PLPPR5: variants seen among roughly 807,000 people sequenced by gnomAD.
PLPPR5 encodes phospholipid phosphatase related 5.
Under a neutral mutation model 33.9 loss-of-function variants are expected in PLPPR5, and 16 were observed. The observed-to-expected ratio is 0.47, with a 90% CI of 0.32 to 0.72. The LOEUF (loss-of-function observed/expected upper bound fraction) is 0.72. Ranked by LOEUF, PLPPR5 falls within the 30% of genes least tolerant of loss-of-function variation. The probability of loss-of-function intolerance (pLI) is 0.03; values close to 1 mark genes in which losing one functional copy is unlikely to be tolerated. For missense variants in PLPPR5, 301 were observed against 406.7 expected (o/e 0.74, Z 2.23); for synonymous variants, 163 against 150.3 (o/e 1.08, Z -0.62).
At chr1:98,967,605 C>CTTAA (rs139158380) in intron 1 of PLPPR5, among the ~76,000 whole-genome samples, 9 of 151,950 alleles carry the variant, frequency 5.9e-5, no homozygotes, top group South Asian at 2.1e-4. Context: ...GCTGAATGAT[C>CTTAA]TTAATTAATT....
At chr1:98,976,870 C>T (rs1044013990) in intron 1 of PLPPR5, among the ~76,000 whole-genome samples, 3 of 151,832 alleles carry the variant, frequency 2.0e-5, no homozygotes, top group African/African-American at 7.3e-5. Flanking sequence ...CATTGTATTT[C>T]TATTGAGTAT....
At chr1:98,950,804 C>T (rs115695066) in intron 3 of PLPPR5, among the ~76,000 whole-genome samples, 1,949 of 152,262 alleles carry the variant, frequency 0.013, 23 homozygotes, top group African/African-American at 0.018. Context: ...CCGTCTTGGC[C>T]TCTCATGTAG....
Position 98,914,854 on chromosome 1 carries a change from G to C in PLPPR5, c.865C>G (p.Leu289Val). ...AENEHIHMDN[L>V]AQMPMISIPR... is the part of the protein sequence containing the mutation. ...ATGCTGATCATTGGCATCTGTGCCA[G>C]ATTATCCATGTGTATATGCTCATTT... The change falls in exon 5 of 6, where the codon CTG (leucine) becomes GTG (valine). Residue 289 changes from leucine (L) to valine (V), a missense_variant. Coordinates refer to ENST00000263177, the MANE Select transcript of PLPPR5 (RefSeq NM_001037317.2). 5 of 1,613,082 alleles carry C rather than the reference G, an allele frequency of 3.1e-6. No individual in the cohort carries two copies. Among genetic ancestry groups the C allele is most frequent in the Non-Finnish European group, 4.2e-6 (5 of 1,179,582 alleles).
intron 2 of PLPPR5, 32 bp downstream of exon 2, chr1:98,956,577 G>T: frequency 6.5e-7 from 1 of 1,536,100 alleles, no homozygotes; most frequent in Non-Finnish European, 8.7e-7. Context: ...CACTGTTTCA[G>T]AAATATTAAA....
At chr1:98,921,314 T>C (rs1224185661) in intron 4 of PLPPR5, among the ~76,000 whole-genome samples, 2 of 152,164 alleles carry the variant, frequency 1.3e-5, no homozygotes, top group Admixed American at 6.5e-5. Flanking sequence ...AAACTATTCA[T>C]GAGTTTTTAG....
chr1:98,916,761 T>C (rs1443385117), intron 4 of PLPPR5, among the ~76,000 whole-genome samples: 1 of 152,242 alleles, frequency 6.6e-6, no homozygotes, highest in African/African-American at 2.4e-5. Flanking sequence ...TTACTCTTAG[T>C]ATTTTAATTA....
intron 3 of PLPPR5, among the ~76,000 whole-genome samples, chr1:98,926,731 T>C (rs1444565780): frequency 1.3e-5 from 2 of 152,224 alleles, no homozygotes; most frequent in African/African-American, 2.4e-5. Context: ...TCCCAGATTC[T>C]AGTTAGCTAC....
intron 1 of PLPPR5, among the ~76,000 whole-genome samples, chr1:98,966,394 T>C (rs1651453522): frequency 6.6e-6 from 1 of 152,206 alleles, no homozygotes; most frequent in African/African-American, 2.4e-5. Flanking sequence ...ACACTGTTCA[T>C]GTAAATAGGG....
chr1:98,921,873 T>G lies in PLPPR5; in HGVS notation c.798+9A>C. On this transcript the variant is annotated intron_variant, in intron 4 of 5. Coordinates refer to ENST00000263177, the MANE Select transcript of PLPPR5 (RefSeq NM_001037317.2). ...AAACCCAATGATATATAAATAAATT[T>G]GTACTTACCAGAAATACTGCTATAG... The G allele has an allele frequency of 1.3e-6, 2 of 1,596,932 alleles. No individual in the cohort carries two copies. Among genetic ancestry groups the G allele is most frequent in the Non-Finnish European group, 1.7e-6 (2 of 1,172,624 alleles).
At chr1:98,963,020 A>T (rs1651303354) in intron 1 of PLPPR5, among the ~76,000 whole-genome samples, 1 of 152,176 alleles carries the variant, frequency 6.6e-6, no homozygotes, top group African/African-American at 2.4e-5. Flanking sequence ...ATAAGAGATC[A>T]TTTACTGCTG....
At chr1:98,901,613 T>C (rs909835159) in intron 5 of PLPPR5, among the ~76,000 whole-genome samples, 1 of 152,082 alleles carries the variant, frequency 6.6e-6, no homozygotes, top group Non-Finnish European at 1.5e-5. Context: ...TATTGAAAAA[T>C]ATTCAAAAAT....
rs546966719 is a variant in PLPPR5 at position 98,987,895 on chromosome 1, G to C, written c.237+16540C>G. Among the ~76,000 whole-genome samples, 5 of 151,898 alleles carry C rather than the reference G, an allele frequency of 3.3e-5. No homozygotes were observed. In the South Asian group the frequency reaches 1.0e-3, roughly 32 times the overall value. On this transcript the variant is annotated intron_variant, in intron 1 of 5. Coordinates refer to ENST00000263177, the MANE Select transcript of PLPPR5 (RefSeq NM_001037317.2). ...TCTCTTAAGCTACCGAAAATTTATA[G>C]CAATTTGGTATAGTATACTTTCATG...
intron 1 of PLPPR5, among the ~76,000 whole-genome samples, chr1:98,985,411 G>A (rs986249825): frequency 6.6e-6 from 1 of 152,002 alleles, no homozygotes; most frequent in Admixed American, 6.6e-5. Flanking sequence ...CCTTTTTGGT[G>A]GAGCTGAAAA....
chr1:98,998,293 T>A (rs1272025693), intron 1 of PLPPR5, among the ~76,000 whole-genome samples: 1 of 152,144 alleles, frequency 6.6e-6, no homozygotes, highest in African/African-American at 2.4e-5. Context: ...CACCTCTCCA[T>A]ATACCACGGT....
At chr1:98,967,556 C>G (rs1651493176) in intron 1 of PLPPR5, among the ~76,000 whole-genome samples, 1 of 152,086 alleles carries the variant, frequency 6.6e-6, no homozygotes, top group South Asian at 2.1e-4. Context: ...TTGAAACAAT[C>G]TGGCAGAAAG....
chr1:98,955,191 AC>A (rs2101216829), intron 2 of PLPPR5, among the ~76,000 whole-genome samples: 1 of 152,220 alleles, frequency 6.6e-6, no homozygotes, highest in South Asian at 2.1e-4. Context: ...AAACATCCAA[AC>A]CATAAGGGAA....
chr1:98,998,911 C>T (rs1652728265), intron 1 of PLPPR5, among the ~76,000 whole-genome samples: 1 of 152,100 alleles, frequency 6.6e-6, no homozygotes, highest in African/African-American at 2.4e-5. Context: ...TTAAATGGAG[C>T]AATGGGTTAA....
chr1:98,991,396 CTTTCTACTCCAT>C (rs1431789136), intron 1 of PLPPR5: 5 of 152,124 alleles, frequency 3.3e-5, no homozygotes, highest in Non-Finnish European at 7.4e-5. Context: ...AATAGGTACA[CTTTCTACTCCAT>C]TTTCTACTCC....
intron 3 of PLPPR5, among the ~76,000 whole-genome samples, chr1:98,936,027 G>A (rs952632985): frequency 3.9e-5 from 6 of 152,160 alleles, no homozygotes; most frequent in East Asian, 1.9e-4. Flanking sequence ...GAACAGACAC[G>A]GGGGACGTTC....
Sources: allele counts gnomAD v4.1 joint callset (sites outside exome capture counted in the v4.1 genomes callset), GRCh38; gene constraint gnomAD v4.1.1; transcripts MANE v1.5; gene names NCBI Gene and HGNC (gene_info 2026-07-23, HGNC 2026-07-21).